Variants in C4orf36 observed in about 807,000 individuals in gnomAD.
C4orf36 encodes uncharacterized protein C4orf36.
A neutral mutation model predicts 12.2 loss-of-function variants in C4orf36; 11 were observed. The observed-to-expected ratio is 0.90, with a 90% CI of 0.57 to 1.49. The LOEUF is 1.49. Among genes scored for constraint, C4orf36 ranks in the 40% most tolerant of loss-of-function variants. The pLI is 0.00. For synonymous variants in C4orf36, 54 were observed against 51.3 expected (o/e 1.05, Z -0.22); for missense variants, 137 against 133.9 (o/e 1.02, Z -0.11).
At chr4:86,904,539 G>A in the C4orf36 span, among the ~76,000 whole-genome samples, 8 of 140,890 alleles carry the variant, frequency 5.7e-5, no homozygotes, top group East Asian at 1.5e-3. Flanking sequence ...CCAAGATCGC[G>A]CCACTGCACT....
intron 2 of C4orf36, among the ~76,000 whole-genome samples, chr4:86,889,745 A>T (rs1425810522): frequency 6.6e-6 from 1 of 152,170 alleles, no homozygotes; most frequent in African/African-American, 2.4e-5. Context: ...ATGAGATCTC[A>T]TCTCCACAAA....
At chr4:86,895,291 G>A (rs574777864), upstream of C4orf36, among the ~76,000 whole-genome samples, 7 of 152,166 alleles carry the variant, frequency 4.6e-5, no homozygotes, top group Non-Finnish European at 1.0e-4. Context: ...TCCAGCCTGA[G>A]TGGCAGAATG....
Position 86,876,253 on chromosome 4 carries a change from C to G in C4orf36, c.*193G>C. On this transcript the variant is annotated 3_prime_UTR_variant, in exon 5 of 5. Transcript: ENST00000295898. ...GGCAATGTTTAAAAAGAGAAACAAACTGAGTTCCACTGAAATTAAGAGATT... is the reference window on the plus strand; with the variant it reads ...GGCAATGTTTAAAAAGAGAAACAAAGTGAGTTCCACTGAAATTAAGAGATT... The G allele has an allele frequency of 1.8e-6, 1 of 570,544 alleles. No individual in the cohort carries two copies. Among genetic ancestry groups the G allele is most frequent in the Non-Finnish European group, 2.8e-6 (1 of 352,812 alleles). 35.3% of individuals were successfully genotyped at this position (570,544 alleles called of 1,614,324 possible).
chr4:86,913,613 A>T, the C4orf36 span: 1 of 1,421,454 alleles, frequency 7.0e-7, no homozygotes, highest in African/African-American at 1.4e-5. Context: ...AACACTTAGG[A>T]GCAGCAGGAA....
chr4:86,904,973 C>G, the C4orf36 span, among the ~76,000 whole-genome samples: 1 of 152,076 alleles, frequency 6.6e-6, no homozygotes. Flanking sequence ...CGGTAACTCA[C>G]GCCTGTAATC....
the C4orf36 span, among the ~76,000 whole-genome samples, chr4:86,931,936 G>A: frequency 6.6e-6 from 1 of 151,786 alleles, no homozygotes. Context: ...TCAGGAGGCT[G>A]AGGCAGGAGA....
intron 4 of C4orf36, among the ~76,000 whole-genome samples, chr4:86,881,364 GA>G (rs906186505): frequency 6.6e-6 from 1 of 152,066 alleles, no homozygotes; most frequent in African/African-American, 2.4e-5. Context: ...CCTTTGTCTT[GA>G]ACTGTTTTAG....
chr4:86,923,547 C>T, the C4orf36 span, among the ~76,000 whole-genome samples: 10 of 152,026 alleles, frequency 6.6e-5, no homozygotes, highest in East Asian at 1.9e-4. Context: ...CACCTGAGGT[C>T]GGGAGTTTGA....
intron 4 of C4orf36, among the ~76,000 whole-genome samples, chr4:86,883,239 A>G (rs909091352): frequency 5.9e-5 from 9 of 152,184 alleles, no homozygotes; most frequent in South Asian, 2.1e-4. Flanking sequence ...AGAGAAAGAC[A>G]TAAGTGACAA....
chr4:86,914,488 C>T, the C4orf36 span: 6 of 528,466 alleles, frequency 1.1e-5, no homozygotes, highest in Admixed American at 1.7e-4. Flanking sequence ...GCAACCTCCA[C>T]CTCTTGGGTA....
At chr4:86,882,535 G>A (rs539755965) in intron 4 of C4orf36, among the ~76,000 whole-genome samples, 1 of 152,230 alleles carries the variant, frequency 6.6e-6, no homozygotes, top group African/African-American at 2.4e-5. Flanking sequence ...AGCTATCACA[G>A]CCCTCCTGAC....
At chr4:86,929,127 A>C in the C4orf36 span, among the ~76,000 whole-genome samples, 1 of 152,184 alleles carries the variant, frequency 6.6e-6, no homozygotes, top group African/African-American at 2.4e-5. Context: ...TGCATAACAA[A>C]TTACCACAAA....
the C4orf36 span, chr4:86,913,898 G>A: frequency 8.1e-6 from 9 of 1,107,182 alleles, no homozygotes; most frequent in East Asian, 5.0e-5. Context: ...GCACGATCTC[G>A]GCTCACTACG....
the C4orf36 span, chr4:86,914,030 G>C: frequency 6.2e-6 from 10 of 1,609,150 alleles, no homozygotes; most frequent in African/African-American, 1.3e-4. Context: ...CCAGCAAAAC[G>C]TCGTTGGGAT....
At chr4:86,891,922 G>T (rs751719049) in intron 1 of C4orf36, 3 of 897,358 alleles carry the variant, frequency 3.3e-6, no homozygotes, top group Non-Finnish European at 4.1e-6. Flanking sequence ...GCGACCAAAG[G>T]CTCTGCCTGC....
intron 1 of C4orf36, 64 bp from the exon 2 acceptor site, chr4:86,891,657 GA>G (rs35305216): frequency 6.4e-6 from 9 of 1,396,206 alleles, no homozygotes; most frequent in East Asian, 2.4e-5. Flanking sequence ...CCAAATAATA[GA>G]AAAAAATTCT....
the C4orf36 span, among the ~76,000 whole-genome samples, chr4:86,898,163 G>A: frequency 6.6e-6 from 1 of 152,184 alleles, no homozygotes; most frequent in African/African-American, 2.4e-5. Flanking sequence ...AAGCCAAGGT[G>A]GGTAGATCAC....
At chr4:86,903,583 C>T in the C4orf36 span, among the ~76,000 whole-genome samples, 41 of 152,274 alleles carry the variant, frequency 2.7e-4, no homozygotes, top group Admixed American at 1.5e-3. Context: ...CTAAAGGTGG[C>T]GCAGGCCCAA....
At chr4:86,889,072 G>A (rs552003654) in intron 2 of C4orf36, among the ~76,000 whole-genome samples, 2 of 152,282 alleles carry the variant, frequency 1.3e-5, no homozygotes, top group South Asian at 2.1e-4. Context: ...CATGGAGGCC[G>A]GGCATGGTGG....
Sources: allele counts gnomAD v4.1 joint callset (sites outside exome capture counted in the v4.1 genomes callset), GRCh38; gene constraint gnomAD v4.1.1; transcripts MANE v1.5; gene names NCBI Gene and HGNC (gene_info 2026-07-23, HGNC 2026-07-21).